Variants in DNAH14 observed in about 807,000 individuals in gnomAD.
The protein encoded by DNAH14 is axonemal beta dynein heavy chain 14.
DNAH14 carries 478 observed loss-of-function variants against 520.9 expected under a neutral mutation model. The observed-to-expected ratio is 0.92, with a 90% CI of 0.85 to 0.99. The LOEUF (loss-of-function observed/expected upper bound fraction) is 0.99, where lower values mean the gene tolerates loss of function less well. Ranked by LOEUF, DNAH14 falls within the 50% of genes least tolerant of loss-of-function variation. The pLI is 0.00. For synonymous variants in DNAH14, 1,581 were observed against 1,757.2 expected (o/e 0.90, Z 2.51); for missense variants, 4,831 against 5,234.5 (o/e 0.92, Z 2.38).
At chr1:225,159,506 C>G (rs1448144396) in intron 35 of DNAH14, 21 bp downstream of exon 35, 7 of 1,488,874 alleles carry the variant, frequency 4.7e-6, no homozygotes, top group Non-Finnish European at 6.2e-6. Flanking sequence ...CTTTGAAAAT[C>G]ATCACCAATT....
chr1:224,996,895 G>A (rs77315710), intron 8 of DNAH14, among the ~76,000 whole-genome samples: 8,359 of 152,156 alleles, frequency 0.055, 468 homozygotes, highest in East Asian at 0.23. Context: ...AACCTGCTGG[G>A]TGTAGAAGAA....
At chr1:224,965,124 G>A (rs1448713717) in intron 5 of DNAH14, among the ~76,000 whole-genome samples, 1 of 152,010 alleles carries the variant, frequency 6.6e-6, no homozygotes, top group African/African-American at 2.4e-5. Flanking sequence ...CATGACCAGA[G>A]GGTGAAAGCT....
chr1:225,244,873 T>C (rs1041812669), intron 43 of DNAH14, among the ~76,000 whole-genome samples: 1 of 152,164 alleles, frequency 6.6e-6, no homozygotes, highest in Admixed American at 6.5e-5. Flanking sequence ...ATCTTAGTTA[T>C]TTCTTGTCTT....
chr1:225,005,237 T>C (rs147396209), intron 9 of DNAH14, among the ~76,000 whole-genome samples: 2 of 152,278 alleles, frequency 1.3e-5, no homozygotes, highest in Admixed American at 1.3e-4. Context: ...GGGTGCTTAA[T>C]AAAAATGTAA....
intron 68 of DNAH14, 162 bp downstream of exon 68, chr1:225,338,344 G>C (rs2150366405): frequency 1.1e-6 from 1 of 886,268 alleles, no homozygotes; most frequent in South Asian, 1.4e-5. Context: ...GTATTCATCA[G>C]TATACAGAAG....
At chr1:225,333,919 C>T (rs984984685) in intron 66 of DNAH14, among the ~76,000 whole-genome samples, 1 of 152,044 alleles carries the variant, frequency 6.6e-6, no homozygotes, top group African/African-American at 2.4e-5. Context: ...AAATCCTATG[C>T]TGATGTTTAA....
intron 15 of DNAH14, among the ~76,000 whole-genome samples, chr1:225,048,540 A>C (rs931665133): frequency 6.6e-6 from 1 of 152,202 alleles, no homozygotes; most frequent in East Asian, 1.9e-4. Flanking sequence ...ATGTTGTTAC[A>C]TGATTCAATA....
chr1:225,373,687 G>A (rs901775975), intron 77 of DNAH14, among the ~76,000 whole-genome samples: 11 of 152,256 alleles, frequency 7.2e-5, no homozygotes, highest in African/African-American at 1.4e-4. Context: ...GGCTAAAGTC[G>A]GGAGTGGAAG....
intron 15 of DNAH14, among the ~76,000 whole-genome samples, chr1:225,049,773 CCTATCTATCTAT>C (rs3047105): frequency 0.048 from 6,882 of 142,982 alleles, 462 homozygotes; most frequent in African/African-American, 0.15. Context: ...TATCTATCTA[CCTATCTATCTAT>C]CTATCTATCT....
At chr1:225,266,888 T>C (rs1216236514) in intron 49 of DNAH14, 119 bp downstream of exon 49, 2 of 941,912 alleles carry the variant, frequency 2.1e-6, no homozygotes, top group East Asian at 3.2e-5. Context: ...CATATGGACA[T>C]GTTAAGCAAA....
At chr1:225,285,376 C>A (rs542817216) in intron 54 of DNAH14, among the ~76,000 whole-genome samples, 2 of 152,082 alleles carry the variant, frequency 1.3e-5, no homozygotes, top group South Asian at 4.2e-4. Context: ...GGGTGAAACT[C>A]CATCTCTACA....
intron 7 of DNAH14, among the ~76,000 whole-genome samples, chr1:224,971,220 T>C (rs1457173864): frequency 6.6e-6 from 1 of 152,236 alleles, no homozygotes; most frequent in Non-Finnish European, 1.5e-5. Context: ...TATCTAGTTC[T>C]ATAATTTTCT....
At chr1:225,327,914 A>G (rs2094712179) in intron 64 of DNAH14, among the ~76,000 whole-genome samples, 1 of 152,172 alleles carries the variant, frequency 6.6e-6, no homozygotes, top group African/African-American at 2.4e-5. Context: ...AAAAAAGAAA[A>G]AGAAGAAATA....
chr1:225,194,242 C>G (rs963885281), intron 38 of DNAH14, among the ~76,000 whole-genome samples: 3 of 151,204 alleles, frequency 2.0e-5, no homozygotes, highest in African/African-American at 7.3e-5. Flanking sequence ...AAGCTGAAGG[C>G]ATCATGTTAC....
intron 21 of DNAH14, among the ~76,000 whole-genome samples, chr1:225,088,122 A>T (rs3105566): frequency 2.6e-5 from 4 of 152,052 alleles, no homozygotes; most frequent in African/African-American, 9.7e-5. Context: ...TATCCAGTAC[A>T]CAATAAGGTA....
chr1:224,978,210 C>T (rs1448328633), intron 8 of DNAH14, among the ~76,000 whole-genome samples: 1 of 152,154 alleles, frequency 6.6e-6, no homozygotes, highest in Non-Finnish European at 1.5e-5. Context: ...CACCTGCATT[C>T]CCATGTTTAC....
At chr1:225,250,596 C>T (rs534229369) in intron 43 of DNAH14, 1 of 449,382 alleles carries the variant, frequency 2.2e-6, no homozygotes, top group African/African-American at 2.0e-5. Flanking sequence ...AACGGTTTTA[C>T]AGTTTTGTTA....
At chr1:225,329,855 TGAAGA>T (rs1335763659) in intron 64 of DNAH14, among the ~76,000 whole-genome samples, 1 of 151,944 alleles carries the variant, frequency 6.6e-6, no homozygotes, top group African/African-American at 2.4e-5. Flanking sequence ...CTCAACAAAG[TGAAGA>T]GATGGCCCAC....
At chr1:225,059,246 C>A (rs2069627753) in intron 17 of DNAH14, among the ~76,000 whole-genome samples, 1 of 152,168 alleles carries the variant, frequency 6.6e-6, no homozygotes, top group Non-Finnish European at 1.5e-5. Context: ...ATAGTTAGCT[C>A]TTCTTGTTGA....
Sources: allele counts gnomAD v4.1 joint callset (sites outside exome capture counted in the v4.1 genomes callset), GRCh38; gene constraint gnomAD v4.1.1; transcripts MANE v1.5; gene names NCBI Gene and HGNC (gene_info 2026-07-23, HGNC 2026-07-21).